TKTL1: variants seen among roughly 807,000 people sequenced by gnomAD.
TKTL1 encodes transketolase-like protein 1.
A neutral mutation model predicts 39.3 loss-of-function variants in TKTL1; 1 was observed. That is an observed-to-expected ratio of 0.03 (90% CI 0.01 to 0.12). The LOEUF (loss-of-function observed/expected upper bound fraction) is 0.12. TKTL1 is among the 10% of genes least tolerant of loss of function. The probability of loss-of-function intolerance (pLI) is 1.00; values close to 1 mark genes in which losing one functional copy is unlikely to be tolerated. For synonymous variants in TKTL1, 262 were observed against 193.8 expected (o/e 1.35, Z -2.92); for missense variants, 575 against 509.6 (o/e 1.13, Z -1.24).
chrX:154,315,841 C>G (rs1456516617), intron 7 of TKTL1, among the ~76,000 whole-genome samples: 1 of 112,476 alleles, frequency 8.9e-6, no homozygotes, highest in Non-Finnish European at 1.9e-5. Context: ...CAAAGCCATT[C>G]TGCTTATCTA....
chrX:154,310,771 T>G lies in TKTL1; in HGVS notation c.351-65T>G. On this transcript the variant is annotated intron_variant, in intron 3 of 12. Transcript: ENST00000369915. ...GTTGCGTCCGTTTCTCCTCCTGAAA[T>G]GCATTTGTTTGGTTGGCCCAGATGA... is the stretch of plus-strand genomic sequence containing the variant. 6 of 980,700 alleles carry G rather than the reference T, an allele frequency of 6.1e-6. No homozygotes were observed. In the Middle Eastern group the frequency reaches 1.1e-3, roughly 180 times the overall value. 80.8% of individuals were successfully genotyped at this position (980,700 alleles called of 1,213,427 possible).
chrX:154,327,087 G>A (rs1328234912), intron 10 of TKTL1: 16 of 216,115 alleles, frequency 7.4e-5, no homozygotes, highest in African/African-American at 3.2e-4. Context: ...AGAATAGTAC[G>A]TTGTCGAGAG....
intron 8 of TKTL1, among the ~76,000 whole-genome samples, chrX:154,322,770 G>A (rs1459656220): frequency 4.5e-5 from 5 of 111,589 alleles, no homozygotes; most frequent in African/African-American, 1.6e-4. Context: ...TACTTGGAAG[G>A]CCTGGAGAAA....
intron 12 of TKTL1, among the ~76,000 whole-genome samples, chrX:154,328,176 CAG>C (rs1234024504): frequency 4.5e-4 from 50 of 111,626 alleles, no homozygotes; most frequent in African/African-American, 1.6e-3. Context: ...AGTGGCAACA[CAG>C]AGGAGTGGCT....
chrX:154,329,731 TTA>T lies in TKTL1; in HGVS notation c.*45_*46del, dbSNP rs782376632. Reference sequence around the variant, plus strand: ...GTCTTTTGGCCTCTTTACCCTGTGTTTATGTTTGTTCCAAAACCATCATTTAA... The same window carrying T: ...GTCTTTTGGCCTCTTTACCCTGTGTTTGTTTGTTCCAAAACCATCATTTAA... On this transcript the variant is annotated 3_prime_UTR_variant, in exon 13 of 13. Transcript: ENST00000369915. The T allele has an allele frequency of 6.0e-6, 7 of 1,170,166 alleles. No homozygotes were observed. Among genetic ancestry groups the T allele is most frequent in the African/African-American group, 3.5e-5 (2 of 56,446 alleles).
rs782707129 is a variant in TKTL1, at chrX:154,311,032, CTG to C, written c.542+7_542+8del. 1.2e-5 allele frequency: 15 copies of C among 1,211,664 alleles called. No individual in the cohort carries two copies. Among genetic ancestry groups the C allele is most frequent in the Non-Finnish European group, 1.3e-5 (12 of 895,226 alleles). ...GAGGCGCTGCGAAGCCTTTGGGTAA[CTG>C]TATTCTCTTGTGCTTGATTTCCATT... On this transcript the variant is annotated splice_donor_region_variant and intron_variant, in intron 4 of 12. Coordinates refer to ENST00000369915, the MANE Select transcript of TKTL1 (RefSeq NM_012253.4).
chrX:154,329,512 C>T lies in TKTL1; in HGVS notation c.1619-4C>T. The T allele has an allele frequency of 8.3e-7, 1 of 1,210,578 alleles. No individual in the cohort carries two copies. The highest frequency in any genetic ancestry group is 1.1e-6 in the Non-Finnish European group (1 of 894,568). The stretch of plus-strand genomic sequence containing the variant: ...AAAAGGGCCTAACATCCTTGTTTCC[C>T]CAGGTGGCATCGGGGAAGCTGTCTG... On this transcript the variant is annotated splice_polypyrimidine_tract_variant and splice_region_variant and intron_variant, in intron 12 of 12. Transcript: ENST00000369915.
rs782289511 is a variant in TKTL1, at chrX:154,311,040, T to G, written c.542+13T>G. ...GCGAAGCCTTTGGGTAACTGTATTC[T>G]CTTGTGCTTGATTTCCATTCTGTCC... is the stretch of plus-strand genomic sequence containing the variant. On this transcript the variant is annotated intron_variant, in intron 4 of 12. Coordinates refer to ENST00000369915, the MANE Select transcript of TKTL1 (RefSeq NM_012253.4). 15 of 1,210,039 alleles carry G rather than the reference T, an allele frequency of 1.2e-5. No homozygotes were observed. In the East Asian group the frequency reaches 4.4e-4, roughly 36 times the overall value.
At chrX:154,325,688 C>T (rs138395153) in intron 10 of TKTL1, among the ~76,000 whole-genome samples, 1 of 112,394 alleles carries the variant, frequency 8.9e-6, no homozygotes, top group African/African-American at 3.2e-5. Flanking sequence ...CTTGAGCGGT[C>T]GTGGCTATAA....
At chrX:154,313,253 C>A (rs2067372544) in intron 6 of TKTL1, among the ~76,000 whole-genome samples, 1 of 112,693 alleles carries the variant, frequency 8.9e-6, no homozygotes, top group Non-Finnish European at 1.9e-5. Flanking sequence ...CTCTGTGTCT[C>A]CGCTAAGAAG....
In TKTL1 at chrX:154,296,021, C is replaced by A. The variant is rs782584869; in HGVS notation, c.134+28C>A. 2.5e-6 allele frequency: 3 copies of A among 1,205,024 alleles called. No individual in the cohort carries two copies. In the East Asian group the frequency reaches 8.9e-5, roughly 36 times the overall value. ...AAGTTCTCCTCATTGAAGTCTGGGTCATGCAGGGCCACGGGCCCGGTGGCT... is the reference window on the plus strand; with the variant it reads ...AAGTTCTCCTCATTGAAGTCTGGGTAATGCAGGGCCACGGGCCCGGTGGCT... On this transcript the variant is annotated intron_variant, in intron 1 of 12. Coordinates refer to ENST00000369915, the MANE Select transcript of TKTL1 (RefSeq NM_012253.4).
Position 154,325,437 on chromosome X carries a change from G to T in TKTL1, c.1401+15G>T, listed in dbSNP as rs782037203. 64 of 1,174,549 alleles carry T rather than the reference G, an allele frequency of 5.4e-5. No individual in the cohort carries two copies. The highest frequency in any genetic ancestry group is 7.0e-5 in the Non-Finnish European group (60 of 863,215). On this transcript the variant is annotated intron_variant, in intron 10 of 12. Coordinates refer to ENST00000369915, the MANE Select transcript of TKTL1 (RefSeq NM_012253.4). The stretch of plus-strand genomic sequence containing the variant: ...GACAGGCCAAGGTAAGGGCTTACGC[G>T]CTCCTGCGTTATTCAGTATCATCTC...
At chrX:154,304,773 C>T (rs971962812) in intron 1 of TKTL1, 25 of 242,752 alleles carry the variant, frequency 1.0e-4, no homozygotes, top group Non-Finnish European at 3.1e-5. Flanking sequence ...GTCTTGTCCC[C>T]TCCCCCTTTT....
chrX:154,296,627 G>A (rs2067231140), intron 1 of TKTL1, among the ~76,000 whole-genome samples: 1 of 111,580 alleles, frequency 9.0e-6, no homozygotes, highest in Non-Finnish European at 1.9e-5. Flanking sequence ...ATCAGTTTGA[G>A]GGATATTGGT....
At chrX:154,311,744 A>T (rs5987242) in intron 5 of TKTL1, among the ~76,000 whole-genome samples, 13,079 of 110,542 alleles carry the variant, frequency 0.12, 1,939 homozygotes, top group African/African-American at 0.4. Flanking sequence ...GGATTTTTTT[A>T]AAAGACTATA....
In TKTL1 at chrX:154,308,277, G is replaced by A. The variant is rs955409011; in HGVS notation, c.253-1068G>A. 4.5e-5 allele frequency among the ~76,000 whole-genome samples: 5 copies of A among 111,942 alleles called. No individual in the cohort carries two copies. The South Asian group carries it at 1.5e-3, about 33-fold the overall frequency. ...GAGAGTGAGCTGTGCCCACATCCAC[G>A]CACAAGCACTCCGGTAGTGGGTGCC... On this transcript the variant is annotated intron_variant, in intron 2 of 12. Coordinates refer to ENST00000369915, the MANE Select transcript of TKTL1 (RefSeq NM_012253.4).
intron 1 of TKTL1, among the ~76,000 whole-genome samples, chrX:154,302,150 G>A (rs781943117): frequency 2.7e-5 from 3 of 110,308 alleles, no homozygotes; most frequent in Non-Finnish European, 5.7e-5. Flanking sequence ...TGTTTCCTCA[G>A]TGATACTCCA....
intron 12 of TKTL1, among the ~76,000 whole-genome samples, chrX:154,328,387 A>G (rs1311216064): frequency 3.8e-5 from 4 of 106,207 alleles, no homozygotes; most frequent in African/African-American, 1.4e-4. Flanking sequence ...CTCTACTAAA[A>G]ATACAAAAAT....
intron 1 of TKTL1, among the ~76,000 whole-genome samples, chrX:154,300,010 ATTT>A (rs1169453325): frequency 3.5e-5 from 3 of 86,643 alleles, no homozygotes; most frequent in African/African-American, 9.1e-5. Flanking sequence ...TACTTTTAGT[ATTT>A]TTTTTTTTTT....
Sources: gnomAD v4.1 joint callset for allele counts (sites outside exome capture counted in the v4.1 genomes callset) on GRCh38, gnomAD v4.1.1 for gene constraint, MANE v1.5 for transcripts, NCBI Gene and HGNC (gene_info 2026-07-23, HGNC 2026-07-21) for gene names.